Variants in KIF23 observed in about 807,000 individuals in gnomAD.
The protein encoded by KIF23 is kinesin family member 23.
Under a neutral mutation model 137.5 loss-of-function variants are expected in KIF23, and 30 were observed. The observed-to-expected ratio is 0.22, with a 90% CI of 0.16 to 0.30. KIF23 has a LOEUF of 0.30. Among genes scored for constraint, KIF23 ranks in the 10% least tolerant of loss-of-function variants. The probability of loss-of-function intolerance (pLI) is 1.00; values close to 1 mark genes in which losing one functional copy is unlikely to be tolerated. For missense variants in KIF23, 920 were observed against 1,194.3 expected (o/e 0.77, Z 3.38); for synonymous variants, 367 against 391.1 (o/e 0.94, Z 0.73).
intron 14 of KIF23, 27 bp from the exon 15 acceptor site, chr15:69,436,537 T>A (rs1172559879): frequency 1.3e-6 from 2 of 1,574,740 alleles, no homozygotes; most frequent in Non-Finnish European, 1.7e-6. Flanking sequence ...TATGTAACTT[T>A]TTGTAATTTT....
chr15:69,440,687 G>A lies in KIF23; in HGVS notation c.2110-81G>A, dbSNP rs10518818. The A allele has an allele frequency of 0.032, 40,084 of 1,254,718 alleles. 1,655 individuals carry two copies. The highest frequency in any genetic ancestry group is 0.19 in the East Asian group (7,699 of 40,698). The allele number at this position is 1,254,718 out of a possible 1,614,324, so 77.7% of individuals were successfully genotyped here. On this transcript the variant is annotated intron_variant, in intron 18 of 23. Coordinates refer to ENST00000679126, the MANE Select transcript of KIF23 (RefSeq NM_001367805.3). Reference sequence around the variant, plus strand: ...ATTATTTGTAATGTTAAGTCTTCATGTGCTAACATTATAGAAAAGTAATGA... The same window carrying A: ...ATTATTTGTAATGTTAAGTCTTCATATGCTAACATTATAGAAAAGTAATGA...
intron 10 of KIF23, 105 bp from the exon 11 acceptor site, chr15:69,429,006 G>A (rs567142449): frequency 2.3e-4 from 172 of 743,192 alleles, no homozygotes; most frequent in Non-Finnish European, 1.8e-4. Flanking sequence ...ATTTTGTACT[G>A]TGCAAATGTT....
Position 69,429,132 on chromosome 15 carries a change from A to T in KIF23, c.1033A>T (p.Ser345Cys), listed in dbSNP as rs2057287956. Residue 345 changes from serine to cysteine, a missense_variant, in exon 11 of 24, where the codon AGT (serine) becomes TGT (cysteine). Physicochemically the swap from Ser to Cys is moderately radical, Grantham distance 112. Coordinates refer to ENST00000679126, the MANE Select transcript of KIF23 (RefSeq NM_001367805.3). ...VLQEKEQITISQLSLVDLAGS... is the reference protein window; with the variant it reads ...VLQEKEQITICQLSLVDLAGS... ...TTAGGAAAAAGAACAAATCACTATAAGTCAGTTGTCCTTGGTAGATCTTGC... is the reference window on the plus strand; with the variant it reads ...TTAGGAAAAAGAACAAATCACTATATGTCAGTTGTCCTTGGTAGATCTTGC... 2.5e-6 allele frequency: 4 copies of T among 1,612,946 alleles called. No homozygotes were observed. The highest frequency in any genetic ancestry group is 3.4e-6 in the Non-Finnish European group (4 of 1,179,214).
Position 69,422,127 on chromosome 15 carries a change from A to G in KIF23, c.452A>G (p.Tyr151Cys). ...ATAGGGTCATTTCAAGCTAAACGAT[A>G]TGTAAGTATGATTCTTTTGTGTTGT... ...NSIGSFQAKR[Y>C]VFKSNDRNSM... is the part of the protein sequence containing the mutation. Residue 151 changes from tyrosine (Y) to cysteine (C), a missense_variant and splice_region_variant, in exon 5 of 24, where the codon TAT (tyrosine) becomes TGT (cysteine). Physicochemically the swap from Tyr to Cys is radical, Grantham distance 194. Transcript: ENST00000679126. 6.2e-7 allele frequency: 1 copy of G among 1,613,750 alleles called. No individual in the cohort carries two copies. Among genetic ancestry groups the G allele is most frequent in the Non-Finnish European group, 8.5e-7 (1 of 1,179,830 alleles).
At chr15:69,445,984 CAG>C (rs2057732630) in intron 20 of KIF23, 23 bp from the exon 21 acceptor site, 1 of 1,548,984 alleles carries the variant, frequency 6.5e-7, no homozygotes, top group African/African-American at 1.4e-5. Flanking sequence ...CAATGTGTAA[CAG>C]TGACCTTTTC....
At chr15:69,421,882 AACT>A in intron 4 of KIF23, 107 bp from the exon 5 acceptor site, 1 of 1,394,306 alleles carries the variant, frequency 7.2e-7, no homozygotes, top group South Asian at 1.3e-5. Context: ...GGTGGTGCTA[AACT>A]TGCCTTTTTT....
intron 7 of KIF23, 138 bp from the exon 8 acceptor site, chr15:69,425,144 T>C (rs2057157803): frequency 4.6e-6 from 3 of 655,084 alleles, no homozygotes; most frequent in African/African-American, 1.8e-5. Context: ...TTTAGTACTT[T>C]TAATACAATG....
At position 69,436,278 on chromosome 15, in the gene KIF23, T is replaced by C; in HGVS notation, c.1438+17T>C. ...TTGGAAATGGTATGATTTGGTGTTG[T>C]ATCATTTGTCCACTCATTGGTCTGT... On this transcript the variant is annotated intron_variant, in intron 14 of 23. Transcript: ENST00000679126. 1 of 1,607,740 alleles carries C rather than the reference T, an allele frequency of 6.2e-7. No homozygotes were observed. The highest frequency in any genetic ancestry group is 8.5e-7 in the Non-Finnish European group (1 of 1,178,308).
intron 10 of KIF23, among the ~76,000 whole-genome samples, chr15:69,428,483 CCT>C (rs1242312514): frequency 1.3e-5 from 2 of 150,946 alleles, no homozygotes; most frequent in African/African-American, 4.9e-5. Flanking sequence ...ATGGTGAAAC[CCT>C]GTCTCTACCA....
At position 69,426,247 on chromosome 15, in the gene KIF23, T is replaced by C. The variant is rs561858225; in HGVS notation, c.889+65T>C. On this transcript the variant is annotated intron_variant, in intron 9 of 23. Transcript: ENST00000679126. ...ATATCACCTAGAGTTGCTACTAAGT[T>C]TGATGGCAATTTTTTTTGACTTATT... The C allele has an allele frequency of 3.9e-4, 622 of 1,597,048 alleles. 1 individual carries two copies. The highest frequency in any genetic ancestry group is 6.7e-4 in the Middle Eastern group (4 of 6,010).
Position 69,440,757 on chromosome 15 carries a change from A to G in KIF23, c.2110-11A>G, listed in dbSNP as rs771841041. 3 of 1,575,290 alleles carry G rather than the reference A, an allele frequency of 1.9e-6. No homozygotes were observed. The Admixed American group carries it at 5.5e-5, about 29-fold the overall frequency. On this transcript the variant is annotated splice_polypyrimidine_tract_variant and intron_variant, in intron 18 of 23. Coordinates refer to ENST00000679126, the MANE Select transcript of KIF23 (RefSeq NM_001367805.3). ...CAGTCTTGCTCATTAATTTTTCTCC[A>G]ATTTTTCTAGCTTTCTAGTAACTAT... is the stretch of plus-strand genomic sequence containing the variant.
In KIF23 at chr15:69,429,184, G is replaced by A. The variant is rs1325538554; in HGVS notation, c.1085G>A (p.Arg362Lys). 10 of 1,612,824 alleles carry A rather than the reference G, an allele frequency of 6.2e-6. No individual in the cohort carries two copies. Among genetic ancestry groups the A allele is most frequent in the South Asian group, 3.3e-5 (3 of 90,980 alleles). The change falls in exon 11 of 24, where the codon AGA (arginine) becomes AAA (lysine). Residue 362 changes from arginine (R) to lysine (K), a missense_variant. Around this residue, in one of 4 missense-constraint regions of KIF23, gnomAD observed 714 missense variants for 866.2 expected, o/e 0.82. Coordinates refer to ENST00000679126, the MANE Select transcript of KIF23 (RefSeq NM_001367805.3). ...LAGSERTNRTRAEGNRLREAG... is the reference protein window; with the variant it reads ...LAGSERTNRTKAEGNRLREAG... ...GGAAGTGAAAGAACTAACCGGACCA[G>A]AGCAGAAGGGAACAGATTACGTGAA...
chr15:69,434,619 TG>T, intron 11 of KIF23: 1 of 1,380,640 alleles, frequency 7.2e-7, no homozygotes, highest in African/African-American at 1.4e-5. Context: ...GAAACATAGT[TG>T]ATGATGTAGG....
At chr15:69,418,656 G>C (rs780139728) in intron 3 of KIF23, among the ~76,000 whole-genome samples, 8 of 152,132 alleles carry the variant, frequency 5.3e-5, no homozygotes, top group Admixed American at 1.3e-4. Flanking sequence ...TAATCACTGA[G>C]ACCAGAGCTA....
intron 16 of KIF23, 102 bp from the exon 17 acceptor site, chr15:69,439,802 T>A: frequency 1.2e-6 from 1 of 828,522 alleles, no homozygotes; most frequent in Non-Finnish European, 1.8e-6. Context: ...ATGATGTTTC[T>A]TTCCACAAAT....
At position 69,423,296 on chromosome 15, in the gene KIF23, TGGA is replaced by T; in HGVS notation, c.702_704del (p.Glu236del). 1 of 1,579,672 alleles carries T rather than the reference TGGA, an allele frequency of 6.3e-7. No individual in the cohort carries two copies. The highest frequency in any genetic ancestry group is 1.2e-5 in the South Asian group (1 of 84,386). On this transcript the variant is annotated inframe_deletion, in exon 7 of 24. Transcript: ENST00000679126. The stretch of plus-strand genomic sequence containing the variant: ...TATAATAATTACATATATGATCTAT[TGGA>T]AGAGGTGCCGTTTGATCCCATAAAA...
Position 69,441,107 on chromosome 15 carries a change from T to C in KIF23, c.2421+28T>C, listed in dbSNP as rs750528418. The C allele has an allele frequency of 5.8e-6, 9 of 1,543,352 alleles. No homozygotes were observed. In the Admixed American group the frequency reaches 1.0e-4, roughly 17 times the overall value. On this transcript the variant is annotated intron_variant, in intron 19 of 23. Coordinates refer to ENST00000679126, the MANE Select transcript of KIF23 (RefSeq NM_001367805.3). ...TAGTGCCAGTATTATTTTAACGCAT[T>C]GTAGCAATAGATTTTATCTTCTTTG...
rs35621443 is a variant in KIF23, at chr15:69,445,011, C to T, written c.2643C>T (p.Ser881=). The T allele has an allele frequency of 6.2e-3, 9,988 of 1,613,156 alleles. 62 individuals carry two copies. The highest frequency in any genetic ancestry group is 6.5e-3 in the Non-Finnish European group (7,716 of 1,179,524). The change falls in exon 20 of 24, where the codon TCC becomes TCT. Residue 881 remains serine, a synonymous_variant. Coordinates refer to ENST00000679126, the MANE Select transcript of KIF23 (RefSeq NM_001367805.3). ...KYMLTHQELA[S]DGEIETKLIK... is the part of the protein sequence containing the mutation. ...TGCTGACCCACCAGGAACTAGCCTC[C>T]GATGGGGAGATTGAAACTAAACTAA... is the stretch of plus-strand genomic sequence containing the variant.
chr15:69,436,103 AT>A (rs753811304), intron 13 of KIF23, 34 bp from the exon 14 acceptor site: 249 of 1,569,508 alleles, frequency 1.6e-4, no homozygotes, highest in Admixed American at 4.5e-4. Context: ...GGATATCCTT[AT>A]TTTTTTTTAA....
Sources: gnomAD v4.1 joint callset for allele counts (sites outside exome capture counted in the v4.1 genomes callset) on GRCh38, gnomAD v4.1.1 for gene constraint, gnomAD v4.1.1 regional missense constraint, MANE v1.5 for transcripts, NCBI Gene and HGNC (gene_info 2026-07-23, HGNC 2026-07-21) for gene names.